Variants in FOXO1 observed in about 807,000 individuals in gnomAD.
FOXO1 encodes the protein forkhead box O1, also known as forkhead box protein O1.
Under a neutral mutation model 44.1 loss-of-function variants are expected in FOXO1, and 6 were observed. The ratio of observed to expected loss-of-function variants is 0.14; its 90% CI spans 0.07 to 0.27. The LOEUF is 0.27. Ranked by LOEUF, FOXO1 falls within the 10% of genes least tolerant of loss-of-function variation. The pLI is 1.00. For synonymous variants in FOXO1, 380 were observed against 362.7 expected (o/e 1.05, Z -0.54); for missense variants, 737 against 888.8 (o/e 0.83, Z 2.17).
chr13:40,560,544 C>T lies in FOXO1; in HGVS notation c.947G>A (p.Arg316Gln). ...AATAGTACTAGCATTTGAGCTAGTT[C>T]GAGGGCGAAATGTACTCCAGTTATC... ...DFDNWSTFRP[R>Q]TSSNASTISG... The change falls in exon 2 of 3, where the codon CGA (arginine) becomes CAA (glutamine). Residue 316 changes from arginine (R) to glutamine (Q), a missense_variant. Coordinates refer to ENST00000379561, the MANE Select transcript of FOXO1 (RefSeq NM_002015.4). This position sits in a 1 kb window ranked among gnomAD's most constrained non-coding sequence, Gnocchi z 5.1. 1.2e-6 allele frequency: 2 copies of T among 1,614,078 alleles called. No individual in the cohort carries two copies. Among genetic ancestry groups the T allele is most frequent in the Non-Finnish European group, 8.5e-7 (1 of 1,180,020 alleles).
At chr13:40,564,945 G>GAGTCGGGGAACCCCAACATGGTGT in intron 1 of FOXO1, among the ~76,000 whole-genome samples, 1 of 148,512 alleles carries the variant, frequency 6.7e-6, no homozygotes, top group African/African-American at 2.5e-5. Context: ...ACAGATGGGG[G>GAGTCGGGGAACCCCAACATGGTGT]AGTCGGGGAA....
intron 1 of FOXO1, among the ~76,000 whole-genome samples, chr13:40,572,918 C>A (rs1348605881): frequency 1.3e-5 from 2 of 152,180 alleles, no homozygotes; most frequent in Non-Finnish European, 2.9e-5. Flanking sequence ...ACTGCTGCTC[C>A]CTCAGCATCA....
intron 1 of FOXO1, among the ~76,000 whole-genome samples, chr13:40,611,909 C>G (rs1327968153): frequency 6.6e-6 from 1 of 152,020 alleles, no homozygotes; most frequent in Admixed American, 6.6e-5. Context: ...CCCGTCTCTA[C>G]TGAAAATACA....
At chr13:40,647,206 C>T (rs1877538494) in intron 1 of FOXO1, among the ~76,000 whole-genome samples, 1 of 151,978 alleles carries the variant, frequency 6.6e-6, no homozygotes, top group Non-Finnish European at 1.5e-5. Context: ...TATAATTCTT[C>T]CCCTCATCCT....
At position 40,556,736 on chromosome 13, in the gene FOXO1, T is replaced by C. The variant is rs1873767420; in HGVS notation, c.*2313A>G. On this transcript the variant is annotated 3_prime_UTR_variant, in exon 3 of 3. Transcript: ENST00000379561. ...TACCCAGACTCAGGAGGAAGATATA[T>C]TTTCCTAAGAGCTACTCCATGAAGT... is the stretch of plus-strand genomic sequence containing the variant. The C allele has an allele frequency of 6.6e-6, 1 of 152,166 alleles. No homozygotes were observed. Among genetic ancestry groups the C allele is most frequent in the African/African-American group, 2.4e-5 (1 of 41,432 alleles). The allele number at this position is 152,166 out of a possible 1,614,324, so 9.4% of individuals were successfully genotyped here.
At chr13:40,600,137 T>C (rs1449624907) in intron 1 of FOXO1, among the ~76,000 whole-genome samples, 1 of 152,182 alleles carries the variant, frequency 6.6e-6, no homozygotes, top group East Asian at 1.9e-4. Flanking sequence ...ATTCAAAACC[T>C]GATGACTTCA....
intron 1 of FOXO1, among the ~76,000 whole-genome samples, chr13:40,606,267 G>A (rs1028134659): frequency 3.3e-5 from 5 of 151,864 alleles, no homozygotes; most frequent in African/African-American, 1.2e-4. Context: ...ACTACTTCAG[G>A]GACCAGCAAC....
chr13:40,666,113 G>C lies in FOXO1; in HGVS notation c.100C>G (p.Gln34Glu). Residue 34 changes from glutamine (Q) to glutamate (E), a missense_variant, in exon 1 of 3, where the codon CAG becomes GAG. Coordinates refer to ENST00000379561, the MANE Select transcript of FOXO1 (RefSeq NM_002015.4). ...GGGCTGGAGGTGGCCGAGTTGGACT[G>C]GCTAAACTCCGGCCTGGGCAGCGGC... ...TWPLPRPEFS[Q>E]SNSATSSPAP... The C allele has an allele frequency of 1.3e-5, 19 of 1,438,276 alleles. No individual in the cohort carries two copies. The highest frequency in any genetic ancestry group is 1.7e-5 in the Non-Finnish European group (19 of 1,098,498). The allele number at this position is 1,438,276 out of a possible 1,614,324, so 89.1% of individuals were successfully genotyped here.
Position 40,657,392 on chromosome 13 carries a change from A to G in FOXO1, c.630+8191T>C, listed in dbSNP as rs1877893386. On this transcript the variant is annotated intron_variant, in intron 1 of 2. Transcript: ENST00000379561. Reference sequence around the variant, plus strand: ...GGACTACAGTGGCGTGATCTCGGCTAACCGCAACCTCCACCCCTCCAACCC... The same window carrying G: ...GGACTACAGTGGCGTGATCTCGGCTGACCGCAACCTCCACCCCTCCAACCC... 5.6e-5 allele frequency among the ~76,000 whole-genome samples: 8 copies of G among 142,870 alleles called. No individual in the cohort carries two copies. In the South Asian group the frequency reaches 1.5e-3, roughly 27 times the overall value. The allele number at this position is 142,870 out of a possible 152,430, so 93.7% of individuals were successfully genotyped here.
At chr13:40,590,044 C>CCT (rs773113183) in intron 1 of FOXO1, among the ~76,000 whole-genome samples, 1 of 152,152 alleles carries the variant, frequency 6.6e-6, no homozygotes, top group Non-Finnish European at 1.5e-5. Context: ...ACGATGGGAG[C>CCT]CTCTCTCTCC....
At chr13:40,594,748 C>A (rs1367517414) in intron 1 of FOXO1, among the ~76,000 whole-genome samples, 1 of 152,162 alleles carries the variant, frequency 6.6e-6, no homozygotes, top group Non-Finnish European at 1.5e-5. Context: ...TGCAGTGGTA[C>A]AATCATGGCT....
In FOXO1 at chr13:40,556,313, T is replaced by C. The variant is rs1304998282; in HGVS notation, c.*2736A>G. 1 of 152,652 alleles carries C rather than the reference T, an allele frequency of 6.6e-6. No homozygotes were observed. Among genetic ancestry groups the C allele is most frequent in the African/African-American group, 2.4e-5 (1 of 41,448 alleles). 9.5% of individuals were successfully genotyped at this position (152,652 alleles called of 1,614,324 possible). A position where few individuals can be genotyped will look rare whatever the true frequency, so the allele number is the denominator to read the frequency against. ...ATGTGCTCATTTAGACTTTGTCAGT[T>C]TGTCAAAGCAGAACTTTCCAAGTAA... On this transcript the variant is annotated 3_prime_UTR_variant, in exon 3 of 3. Coordinates refer to ENST00000379561, the MANE Select transcript of FOXO1 (RefSeq NM_002015.4).
chr13:40,619,715 C>G, intron 1 of FOXO1: 1 of 1,069,162 alleles, frequency 9.4e-7, no homozygotes. Flanking sequence ...GGGAAAAATT[C>G]AGCTGAAGGA....
chr13:40,622,079 C>T (rs1876633785), intron 1 of FOXO1, among the ~76,000 whole-genome samples: 1 of 152,140 alleles, frequency 6.6e-6, no homozygotes, highest in African/African-American at 2.4e-5. Context: ...TAATACTGAA[C>T]AAGTATTTAT....
intron 1 of FOXO1, among the ~76,000 whole-genome samples, chr13:40,601,509 A>G (rs2137879782): frequency 6.6e-6 from 1 of 152,320 alleles, no homozygotes; most frequent in East Asian, 1.9e-4. Context: ...CTATTTTTCA[A>G]ATTTTCTCTA....
chr13:40,624,516 A>G (rs994993173), intron 1 of FOXO1, among the ~76,000 whole-genome samples: 1 of 152,168 alleles, frequency 6.6e-6, no homozygotes, highest in Admixed American at 6.5e-5. Context: ...TTCATACCAC[A>G]TGATAAGAAC....
At chr13:40,603,767 G>A (rs987101442) in intron 1 of FOXO1, among the ~76,000 whole-genome samples, 2 of 152,118 alleles carry the variant, frequency 1.3e-5, no homozygotes, top group African/African-American at 4.8e-5. Flanking sequence ...CTTTCAAGGG[G>A]TTCAACTTAG....
intron 1 of FOXO1, among the ~76,000 whole-genome samples, chr13:40,628,412 C>A (rs1261767813): frequency 2.6e-5 from 4 of 151,504 alleles, no homozygotes; most frequent in Non-Finnish European, 5.9e-5. Flanking sequence ...TTCAGTCTTC[C>A]CGGGCACTCT....
intron 1 of FOXO1, among the ~76,000 whole-genome samples, chr13:40,656,286 T>C (rs939587636): frequency 1.3e-5 from 2 of 152,254 alleles, no homozygotes; most frequent in African/African-American, 2.4e-5. Flanking sequence ...AGAACTGACA[T>C]TTACATTTTG....
Sources: gnomAD v4.1 joint callset for allele counts (sites outside exome capture counted in the v4.1 genomes callset) on GRCh38, gnomAD v4.1.1 for gene constraint, Gnocchi (gnomAD v3.1) non-coding constraint, MANE v1.5 for transcripts, NCBI Gene and HGNC (gene_info 2026-07-23, HGNC 2026-07-21) for gene names.